The following NCR1 variants were observed in gnomAD, a reference collection of about 807,000 sequenced individuals.
The protein encoded by NCR1 is NK cell-activating receptor.
NCR1 carries 30 observed loss-of-function variants against 32.5 expected under a neutral mutation model. The observed-to-expected ratio is 0.92, with a 90% CI of 0.69 to 1.25. NCR1 has a LOEUF of 1.25. NCR1 is among the 50% of genes most tolerant of loss of function. NCR1 has a pLI of 0.00. For missense variants in NCR1, 369 were observed against 380.7 expected (o/e 0.97, Z 0.26); for synonymous variants, 169 against 143.4 (o/e 1.18, Z -1.28).
downstream of NCR1, among the ~76,000 whole-genome samples, chr19:54,913,544 C>A (rs142446322): frequency 4.8e-3 from 727 of 152,270 alleles, 8 homozygotes; most frequent in Middle Eastern, 0.014. Flanking sequence ...CTGCAGGAAG[C>A]CATTCAAAAT....
upstream of NCR1, among the ~76,000 whole-genome samples, chr19:54,902,315 T>C (rs78726063): frequency 6.6e-6 from 1 of 151,902 alleles, no homozygotes; most frequent in African/African-American, 2.4e-5. Context: ...TTTTTTTTTT[T>C]TATAGACAGG....
upstream of NCR1, chr19:54,906,008 T>C: frequency 1.4e-6 from 1 of 731,658 alleles, no homozygotes; most frequent in South Asian, 1.7e-5. Context: ...GACCACGGCC[T>C]TTCTGTAAGC....
the NCR1 span, chr19:54,938,044 T>C: frequency 6.2e-7 from 1 of 1,611,774 alleles, no homozygotes; most frequent in East Asian, 2.2e-5. Context: ...TTCTACTTAC[T>C]CCACTTTCTG....
chr19:54,903,388 A>G (rs372300159), upstream of NCR1, among the ~76,000 whole-genome samples: 27 of 127,042 alleles, frequency 2.1e-4, 1 homozygote, highest in East Asian at 2.4e-3. Context: ...GTATGTATAT[A>G]CATATATGTA....
chr19:54,905,379 C>G (rs1223395337), upstream of NCR1, among the ~76,000 whole-genome samples: 2 of 151,896 alleles, frequency 1.3e-5, no homozygotes, highest in Non-Finnish European at 1.5e-5. Flanking sequence ...TTAGGTGCAC[C>G]GGCCCCAGTC....
Position 54,912,777 on chromosome 19 carries a change from T to A in NCR1, c.821T>A (p.Val274Asp). 1 of 1,614,112 alleles carries A rather than the reference T, an allele frequency of 6.2e-7. No individual in the cohort carries two copies. Among genetic ancestry groups the A allele is most frequent in the Non-Finnish European group, 8.5e-7 (1 of 1,180,030 alleles). The change falls in exon 7 of 7, where the codon GTT becomes GAT. Residue 274 changes from valine (V) to aspartate (D), a missense_variant. Coordinates refer to ENST00000291890, the MANE Select transcript of NCR1 (RefSeq NM_004829.7). ...LVLVALVWFL[V>D]EDWLSRKRTR... is the part of the protein sequence containing the mutation. ...CTGGTGGCTCTAGTGTGGTTCCTGG[T>A]TGAAGACTGGCTCAGCAGGAAGAGG...
the NCR1 span, among the ~76,000 whole-genome samples, chr19:54,932,889 A>C: frequency 6.6e-6 from 1 of 151,986 alleles, no homozygotes; most frequent in East Asian, 1.9e-4. Context: ...ACCTTAGGTG[A>C]TCTGCCCACC....
At chr19:54,925,623 C>T in the NCR1 span, among the ~76,000 whole-genome samples, 4 of 152,168 alleles carry the variant, frequency 2.6e-5, no homozygotes, top group Admixed American at 1.3e-4. Context: ...GGCAACACGG[C>T]CACACAGTGC....
the NCR1 span, chr19:54,934,614 G>T: frequency 2.0e-5 from 32 of 1,613,914 alleles, no homozygotes; most frequent in Non-Finnish European, 2.6e-5. This position sits in a 1 kb window ranked among gnomAD's most constrained non-coding sequence, Gnocchi z 6.7. Flanking sequence ...TGAGGACATA[G>T]AAGAATTCAG....
intron 5 of NCR1, 44 bp from the exon 6 acceptor site, chr19:54,912,123 AG>A (rs2068005268): frequency 6.5e-7 from 1 of 1,545,242 alleles, no homozygotes; most frequent in Admixed American, 1.7e-5. Flanking sequence ...GCTGGGGTGG[AG>A]GAGGTCAAAA....
chr19:54,909,382 C>T lies in NCR1; in HGVS notation c.493C>T (p.Gln165Ter). The change falls in exon 4 of 7, where the codon CAG becomes TAG. Residue 165 changes from glutamine to a stop codon, truncating the protein, a stop_gained. Coordinates refer to ENST00000291890, the MANE Select transcript of NCR1 (RefSeq NM_004829.7). LOFTEE classifies it high-confidence loss of function. The part of the protein sequence containing the change: ...LLKEGRSSHV[Q>*]RGYGKVQAEF... Reference sequence around the variant, plus strand: ...CAAGGAGGGAAGATCCAGCCACGTACAGCGCGGATACGGGAAGGTCCAGGC... The same window carrying T: ...CAAGGAGGGAAGATCCAGCCACGTATAGCGCGGATACGGGAAGGTCCAGGC... The T allele has an allele frequency of 6.2e-7, 1 of 1,614,070 alleles. No individual in the cohort carries two copies. The highest frequency in any genetic ancestry group is 8.5e-7 in the Non-Finnish European group (1 of 1,180,030).
the NCR1 span, among the ~76,000 whole-genome samples, chr19:54,922,850 C>T: frequency 1.7e-4 from 25 of 147,908 alleles, no homozygotes; most frequent in African/African-American, 6.0e-4. Flanking sequence ...AAACGCCCAG[C>T]GACAGAGACA....
In NCR1 at chr19:54,906,324, C is replaced by A. The variant is rs919870508; in HGVS notation, c.60C>A (p.Ser20Arg). The A allele has an allele frequency of 1.9e-6, 3 of 1,613,816 alleles. No individual in the cohort carries two copies. The highest frequency in any genetic ancestry group is 2.5e-6 in the Non-Finnish European group (3 of 1,180,028). Residue 20 changes from serine (S) to arginine (R), a missense_variant, in exon 2 of 7, where the codon AGC becomes AGA. Physicochemically the swap from Ser to Arg is moderately radical, Grantham distance 110. Coordinates refer to ENST00000291890, the MANE Select transcript of NCR1 (RefSeq NM_004829.7). ...GGCTGTGTCTGAGTCAGAGGATCAG[C>A]GCCCAGCAGCGTGAGTCCTTCCTTC... ...CVGLCLSQRI[S>R]AQQQTLPKPF...
At chr19:54,919,149 A>G (rs894096806), downstream of NCR1, among the ~76,000 whole-genome samples, 1 of 152,156 alleles carries the variant, frequency 6.6e-6, no homozygotes, top group Admixed American at 6.5e-5. Context: ...TGTAGGGACC[A>G]GCCCCACAGG....
chr19:54,922,227 G>A, the NCR1 span, among the ~76,000 whole-genome samples: 1 of 152,180 alleles, frequency 6.6e-6, no homozygotes, highest in African/African-American at 2.4e-5. Context: ...CCTACCGCAA[G>A]CGTGGAGAGC....
chr19:54,938,017 T>C, the NCR1 span: 1 of 1,573,660 alleles, frequency 6.4e-7, no homozygotes, highest in Non-Finnish European at 8.7e-7. Context: ...GTTCAGGGTC[T>C]TCCTTGCAAG....
At chr19:54,938,100 A>G in the NCR1 span, 1 of 1,614,154 alleles carries the variant, frequency 6.2e-7, no homozygotes, top group African/African-American at 1.3e-5. Flanking sequence ...GAATCCGCAC[A>G]GAAGAGTCAC....
chr19:54,901,385 G>T (rs1395916212), upstream of NCR1, among the ~76,000 whole-genome samples: 1 of 112,976 alleles, frequency 8.9e-6, no homozygotes, highest in Non-Finnish European at 1.9e-5. Flanking sequence ...AAAAAAAAAA[G>T]ATTAGTAATA....
chr19:54,918,726 TC>T (rs1398187149), downstream of NCR1, among the ~76,000 whole-genome samples: 2 of 150,660 alleles, frequency 1.3e-5, no homozygotes, highest in Non-Finnish European at 2.9e-5. Context: ...ACGCCTGTAA[TC>T]CCATCACTTT....
Sources: gnomAD v4.1 joint callset for allele counts (sites outside exome capture counted in the v4.1 genomes callset) on GRCh38, gnomAD v4.1.1 for gene constraint, Gnocchi (gnomAD v3.1) non-coding constraint, MANE v1.5 for transcripts, NCBI Gene and HGNC (gene_info 2026-07-23, HGNC 2026-07-21) for gene names.